The following ACOT12 variants were observed in gnomAD, a reference collection of about 807,000 sequenced individuals.
ACOT12 encodes acyl-CoA thioesterase 12.
ACOT12 carries 51 observed loss-of-function variants against 67.7 expected under a neutral mutation model. The ratio of observed to expected loss-of-function variants is 0.75; its 90% CI spans 0.60 to 0.95. The LOEUF is 0.95. Ranked by LOEUF, ACOT12 falls within the 40% of genes least tolerant of loss-of-function variation. The pLI, the probability that ACOT12 is intolerant of heterozygous loss-of-function variation, is 0.00. For synonymous variants in ACOT12, 251 were observed against 244.6 expected, an observed-to-expected ratio of 1.03 and a Z score of -0.24; for missense variants, 734 against 708.1, an observed-to-expected ratio of 1.04 and a Z score of -0.41.
chr5:81,316,259 A>C, the ACOT12 span, among the ~76,000 whole-genome samples: 2 of 152,218 alleles, frequency 1.3e-5, no homozygotes, highest in Non-Finnish European at 2.9e-5. Flanking sequence ...TAATTCCAGG[A>C]CATGTTATCA....
rs532717665 is a variant in ACOT12, at chr5:81,342,772, A to G, written c.1045-17T>C. On this transcript the variant is annotated splice_polypyrimidine_tract_variant and intron_variant, in intron 10 of 14. Transcript: ENST00000307624. ...CAGGGATGCCTAGAATAGAAATATTATATTTTTAAAGCTATGTGTTCAATA... is the reference window on the plus strand; with the variant it reads ...CAGGGATGCCTAGAATAGAAATATTGTATTTTTAAAGCTATGTGTTCAATA... 1.2e-6 allele frequency: 2 copies of G among 1,611,686 alleles called. No individual in the cohort carries two copies. The highest frequency in any genetic ancestry group is 2.2e-5 in the South Asian group (2 of 91,018).
At chr5:81,324,696 A>G in the ACOT12 span, among the ~76,000 whole-genome samples, 1 of 152,184 alleles carries the variant, frequency 6.6e-6, no homozygotes, top group African/African-American at 2.4e-5. Flanking sequence ...GGAATTAGTG[A>G]TGTAGGAGGG....
chr5:81,325,272 G>A (rs943162701), downstream of ACOT12, among the ~76,000 whole-genome samples: 6 of 152,150 alleles, frequency 3.9e-5, no homozygotes, highest in African/African-American at 9.7e-5. Context: ...TAAGAGACAC[G>A]AGAAGCTTGA....
chr5:81,382,747 A>G (rs1010848349), intron 2 of ACOT12, among the ~76,000 whole-genome samples: 25 of 152,048 alleles, frequency 1.6e-4, no homozygotes, highest in African/African-American at 6.0e-4. Context: ...GGTTGCAGTG[A>G]GCTGAGATTG....
intron 1 of ACOT12, among the ~76,000 whole-genome samples, chr5:81,389,680 C>G (rs1760814523): frequency 6.6e-6 from 1 of 152,074 alleles, no homozygotes; most frequent in African/African-American, 2.4e-5. Flanking sequence ...GCGTGCGCCA[C>G]CATGCCCAGC....
In ACOT12 at chr5:81,357,491, A is replaced by G. The variant is rs186910912; in HGVS notation, c.496+2412T>C. 4.0e-5 allele frequency among the ~76,000 whole-genome samples: 6 copies of G among 151,748 alleles called. No homozygotes were observed. In the South Asian group the frequency reaches 8.4e-4, roughly 21 times the overall value. On this transcript the variant is annotated intron_variant, in intron 5 of 14. Coordinates refer to ENST00000307624, the MANE Select transcript of ACOT12 (RefSeq NM_130767.3). ...ATGACTATCAATGATTTTATCCACAATCACACACACACACTCCATCTAGCA... is the reference window on the plus strand; with the variant it reads ...ATGACTATCAATGATTTTATCCACAGTCACACACACACACTCCATCTAGCA...
the ACOT12 span, among the ~76,000 whole-genome samples, chr5:81,314,732 G>A: frequency 4.6e-5 from 7 of 152,212 alleles, no homozygotes; most frequent in Non-Finnish European, 7.3e-5. Context: ...TAATGGGGCT[G>A]AATAATGGAC....
intron 5 of ACOT12, among the ~76,000 whole-genome samples, chr5:81,353,955 G>T (rs1251995617): frequency 2.0e-5 from 3 of 152,194 alleles, no homozygotes; most frequent in Non-Finnish European, 2.9e-5. Flanking sequence ...AACTCCATCT[G>T]ATCTAAGGAG....
intron 3 of ACOT12, among the ~76,000 whole-genome samples, chr5:81,371,133 A>G (rs551246715): frequency 5.1e-4 from 77 of 152,374 alleles, no homozygotes; most frequent in African/African-American, 1.7e-3. Context: ...TAATTAAGAA[A>G]TAAAAACCAT....
chr5:81,390,816 G>A (rs990112565), intron 1 of ACOT12, among the ~76,000 whole-genome samples: 7 of 152,120 alleles, frequency 4.6e-5, no homozygotes, highest in African/African-American at 1.7e-4. Context: ...ATATTATTGA[G>A]CACAGTTATA....
chr5:81,315,198 T>A, the ACOT12 span, among the ~76,000 whole-genome samples: 1 of 152,190 alleles, frequency 6.6e-6, no homozygotes, highest in Non-Finnish European at 1.5e-5. Context: ...ACAGACTCAC[T>A]TTCCCCTGGG....
chr5:81,309,250 G>A, the ACOT12 span: 1 of 420,818 alleles, frequency 2.4e-6, no homozygotes, highest in Non-Finnish European at 4.2e-6. Context: ...AAACTAAGGT[G>A]TATATTTCCA....
intron 2 of ACOT12, among the ~76,000 whole-genome samples, chr5:81,383,053 A>T (rs151167893): frequency 4.6e-5 from 7 of 152,274 alleles, no homozygotes; most frequent in African/African-American, 1.7e-4. Context: ...GTAGTCTATG[A>T]TCATTAGATA....
downstream of ACOT12, among the ~76,000 whole-genome samples, chr5:81,325,898 C>T (rs1027078616): frequency 6.6e-6 from 1 of 152,086 alleles, no homozygotes; most frequent in Non-Finnish European, 1.5e-5. Flanking sequence ...GCAGCCATGA[C>T]TCCAGGGCTC....
intron 3 of ACOT12, among the ~76,000 whole-genome samples, chr5:81,370,911 A>C (rs575189913): frequency 3.9e-5 from 6 of 152,320 alleles, no homozygotes; most frequent in African/African-American, 1.4e-4. Context: ...ATTTAACCTG[A>C]ATGGAGATCT....
chr5:81,378,521 A>G (rs568375832), intron 2 of ACOT12, among the ~76,000 whole-genome samples: 1 of 152,336 alleles, frequency 6.6e-6, no homozygotes, highest in East Asian at 1.9e-4. Flanking sequence ...CTGCCAAGCA[A>G]AAGAAACTAT....
Position 81,344,993 on chromosome 5 carries a change from G to A in ACOT12, c.822C>T (p.Ala274=), listed in dbSNP as rs114389789. 1.3e-3 allele frequency: 2,026 copies of A among 1,614,080 alleles called. 24 individuals are homozygous for A. In the African/African-American group the frequency reaches 0.023, roughly 19 times the overall value. The stretch of plus-strand genomic sequence containing the variant: ...TGTTGATGTGACGCCCTCGGCCCTC[G>A]GCCCATTCCTGACAGTCAAAGGCCT... ...RVEAFDCQEW[A]EGRGRHINSA... The change falls in exon 8 of 15, where the codon GCC becomes GCT. Residue 274 remains alanine (A), a synonymous_variant. Coordinates refer to ENST00000307624, the MANE Select transcript of ACOT12 (RefSeq NM_130767.3).
chr5:81,352,135 G>C (rs1759572059), intron 5 of ACOT12, among the ~76,000 whole-genome samples: 1 of 152,158 alleles, frequency 6.6e-6, no homozygotes, highest in Non-Finnish European at 1.5e-5. Context: ...GGAGAAAAGG[G>C]AACCTTCATA....
the ACOT12 span, among the ~76,000 whole-genome samples, chr5:81,318,746 G>A: frequency 1.4e-3 from 219 of 152,256 alleles, 1 homozygote; most frequent in Non-Finnish European, 1.7e-3. Flanking sequence ...GCCTCAACTA[G>A]TATCACTGCA....
Sources: allele counts gnomAD v4.1 joint callset (sites outside exome capture counted in the v4.1 genomes callset), GRCh38; gene constraint gnomAD v4.1.1; transcripts MANE v1.5; gene names NCBI Gene and HGNC (gene_info 2026-07-23, HGNC 2026-07-21).